The following KCNK5 variants were observed in gnomAD, a reference collection of about 807,000 sequenced individuals.
KCNK5 encodes potassium channel subfamily K member 5.
In KCNK5, 18 loss-of-function variants were observed where a neutral mutation model predicts 32.9. The ratio of observed to expected loss-of-function variants is 0.55; its 90% CI spans 0.38 to 0.81. KCNK5 has a LOEUF of 0.81. Ranked by LOEUF, KCNK5 falls within the 30% of genes least tolerant of loss-of-function variation. The pLI, the probability that KCNK5 is intolerant of heterozygous loss-of-function variation, is 0.00. For synonymous variants in KCNK5, 276 were observed against 275.3 expected (o/e 1.00, Z -0.03); for missense variants, 507 against 651.0 (o/e 0.78, Z 2.41).
chr6:39,228,213 T>A (rs1361475040), intron 1 of KCNK5, among the ~76,000 whole-genome samples: 1 of 152,070 alleles, frequency 6.6e-6, no homozygotes, highest in Non-Finnish European at 1.5e-5. Flanking sequence ...TCCCCCATCA[T>A]AAAGGGACTA....
chr6:39,214,528 G>A (rs1418397914), intron 1 of KCNK5, among the ~76,000 whole-genome samples: 1 of 152,196 alleles, frequency 6.6e-6, no homozygotes, highest in Admixed American at 6.5e-5. Context: ...TCTGGGCTTG[G>A]GGGCTGTTGG....
chr6:39,213,344 C>T (rs1273398891), intron 1 of KCNK5, among the ~76,000 whole-genome samples: 1 of 152,232 alleles, frequency 6.6e-6, no homozygotes, highest in African/African-American at 2.4e-5. Flanking sequence ...GTCTCCCCAA[C>T]TCGGCCCTGC....
chr6:39,211,061 C>T (rs781766112), intron 1 of KCNK5, among the ~76,000 whole-genome samples: 15 of 152,166 alleles, frequency 9.9e-5, no homozygotes, highest in Non-Finnish European at 2.1e-4. Context: ...TAGCCGTCCC[C>T]TTCTTCCATT....
intron 1 of KCNK5, among the ~76,000 whole-genome samples, chr6:39,201,982 G>C (rs1226393166): frequency 6.6e-6 from 1 of 152,160 alleles, no homozygotes; most frequent in East Asian, 1.9e-4. Context: ...GGGGGTGAAA[G>C]GCATGCAGGT....
chr6:39,216,420 G>A (rs75394171), intron 1 of KCNK5, among the ~76,000 whole-genome samples: 8,111 of 152,254 alleles, frequency 0.053, 684 homozygotes, highest in African/African-American at 0.18. Flanking sequence ...GCTAACACGC[G>A]CACGGGGCAC....
intron 4 of KCNK5, among the ~76,000 whole-genome samples, chr6:39,192,776 T>G (rs1770963631): frequency 6.6e-6 from 1 of 152,128 alleles, no homozygotes; most frequent in Admixed American, 6.5e-5. Context: ...CCAGGATTAT[T>G]TGAAATGTCG....
At chr6:39,203,547 C>T (rs1771168128) in intron 1 of KCNK5, among the ~76,000 whole-genome samples, 3 of 152,230 alleles carry the variant, frequency 2.0e-5, no homozygotes, top group Non-Finnish European at 4.4e-5. Flanking sequence ...CCCCATCACC[C>T]CTGGCAGCCG....
At chr6:39,204,086 C>T (rs733701) in intron 1 of KCNK5, among the ~76,000 whole-genome samples, 28,747 of 152,262 alleles carry the variant, frequency 0.19, 3,254 homozygotes, top group South Asian at 0.29. Flanking sequence ...AGATACTGGA[C>T]GAAAGGCAGC....
chr6:39,223,196 A>AGC, intron 1 of KCNK5, among the ~76,000 whole-genome samples: 1 of 152,290 alleles, frequency 6.6e-6, no homozygotes, highest in East Asian at 1.9e-4. Context: ...ACACTTAGTG[A>AGC]GCATTTACGA....
intron 2 of KCNK5, among the ~76,000 whole-genome samples, chr6:39,195,612 C>T (rs1771017110): frequency 6.6e-6 from 1 of 152,220 alleles, no homozygotes; most frequent in Non-Finnish European, 1.5e-5. Context: ...AATGAGCAGT[C>T]TGGTTAATCT....
intron 1 of KCNK5, among the ~76,000 whole-genome samples, chr6:39,214,935 C>G (rs1771406489): frequency 1.3e-5 from 2 of 152,248 alleles, no homozygotes; most frequent in Admixed American, 6.5e-5. Context: ...TCCAGTACTT[C>G]ATTCCCACAA....
At chr6:39,195,517 C>G (rs1583705464) in intron 2 of KCNK5, among the ~76,000 whole-genome samples, 1 of 152,226 alleles carries the variant, frequency 6.6e-6, no homozygotes, top group South Asian at 2.1e-4. Context: ...GCGTTCTGAG[C>G]CAAACTTCTG....
intron 1 of KCNK5, among the ~76,000 whole-genome samples, chr6:39,214,149 T>C (rs914033751): frequency 1.3e-5 from 2 of 152,156 alleles, no homozygotes. Context: ...CAAAACTGAG[T>C]TCTGTGAACT....
At chr6:39,223,042 G>A (rs148897452) in intron 1 of KCNK5, among the ~76,000 whole-genome samples, 8 of 152,208 alleles carry the variant, frequency 5.3e-5, no homozygotes, top group East Asian at 3.9e-4. Flanking sequence ...TGTTTTTTGC[G>A]TTTAAAAAAT....
chr6:39,196,782 C>T (rs1003037730), intron 1 of KCNK5, among the ~76,000 whole-genome samples: 11 of 152,228 alleles, frequency 7.2e-5, no homozygotes, highest in African/African-American at 2.7e-4. Context: ...CAGGGTGACT[C>T]ATAACTGTGC....
rs752323204 is a variant in KCNK5, at chr6:39,194,607, C to T, written c.452G>A (p.Arg151Lys). 5 of 1,614,152 alleles carry T rather than the reference C, an allele frequency of 3.1e-6. No homozygotes were observed. Among genetic ancestry groups the T allele is most frequent in the Non-Finnish European group, 4.2e-6 (5 of 1,180,002 alleles). ...TAGGGGACATACCAGACTCACACCT[C>T]TCTTGGTAAGGAACTGCCCTAGTCT... is the stretch of plus-strand genomic sequence containing the variant. ...AKRLGQFLTK[R>K]GVSLRKAQIT... is the part of the protein sequence containing the mutation. Residue 151 changes from arginine to lysine, a missense_variant, in exon 3 of 5, where the codon AGA becomes AAA. Arg to Lys is a conservative substitution (Grantham distance 26). Coordinates refer to ENST00000359534, the MANE Select transcript of KCNK5 (RefSeq NM_003740.4). This position sits in a 1 kb window ranked among gnomAD's most constrained non-coding sequence, Gnocchi z 4.7.
rs773400060 is a variant in KCNK5 at position 39,229,127 on chromosome 6, G to A, written c.-16C>T. Reference sequence around the variant, plus strand: ...GGTCCACCATGGCTCCCGAGCGGCCGCCTCCTAGAGAAAGCCTCTCCTAGC... The same window carrying A: ...GGTCCACCATGGCTCCCGAGCGGCCACCTCCTAGAGAAAGCCTCTCCTAGC... On this transcript the variant is annotated 5_prime_UTR_variant, in exon 1 of 5. Coordinates refer to ENST00000359534, the MANE Select transcript of KCNK5 (RefSeq NM_003740.4). 3 of 1,612,664 alleles carry A rather than the reference G, an allele frequency of 1.9e-6. No individual in the cohort carries two copies. The highest frequency in any genetic ancestry group is 2.5e-6 in the Non-Finnish European group (3 of 1,179,434).
At chr6:39,210,671 T>C (rs1014823625) in intron 1 of KCNK5, among the ~76,000 whole-genome samples, 1 of 152,042 alleles carries the variant, frequency 6.6e-6, no homozygotes, top group African/African-American at 2.4e-5. Flanking sequence ...ATAAAGGAAG[T>C]GCAAGACACA....
At chr6:39,207,596 G>A (rs1019048448) in intron 1 of KCNK5, among the ~76,000 whole-genome samples, 4 of 151,812 alleles carry the variant, frequency 2.6e-5, no homozygotes, top group Non-Finnish European at 4.4e-5. Context: ...CAGTTCCCCT[G>A]CGGACTCTGG....
Sources: allele counts gnomAD v4.1 joint callset (sites outside exome capture counted in the v4.1 genomes callset), GRCh38; gene constraint gnomAD v4.1.1; non-coding constraint Gnocchi (gnomAD v3.1); transcripts MANE v1.5; gene names NCBI Gene and HGNC (gene_info 2026-07-23, HGNC 2026-07-21).